The following FAR2 variants were observed in gnomAD, a reference collection of about 807,000 sequenced individuals.
The protein encoded by FAR2 is fatty acyl-CoA reductase 2.
Under a neutral mutation model 56.0 loss-of-function variants are expected in FAR2, and 19 were observed. The observed-to-expected ratio is 0.34, with a 90% confidence interval of 0.24 to 0.50. The LOEUF (loss-of-function observed/expected upper bound fraction) is 0.50, where lower values mean the gene tolerates loss of function less well. Among genes scored for constraint, FAR2 ranks in the 20% least tolerant of loss-of-function variants. The pLI, the probability that FAR2 is intolerant of heterozygous loss-of-function variation, is 0.98. For missense variants in FAR2, 508 were observed against 642.2 expected (o/e 0.79, Z 2.26); for synonymous variants, 219 against 218.8 (o/e 1.00, Z -0.01).
chr12:29,296,265 TAAG>T lies in FAR2; in HGVS notation c.366-755_366-753del, dbSNP rs553944747. On this transcript the variant is annotated intron_variant, in intron 3 of 11. Coordinates refer to ENST00000536681, the MANE Select transcript of FAR2 (RefSeq NM_001271783.2). Reference sequence around the variant, plus strand: ...CAAGGCTAGGACTTCAGAACAATGTTAAGTAGTAGTGTGATTGTAGGCATTATT... The same window carrying T: ...CAAGGCTAGGACTTCAGAACAATGTTTAGTAGTGTGATTGTAGGCATTATT... Among the ~76,000 whole-genome samples the T allele has an allele frequency of 1.8e-4, 27 of 152,354 alleles. No individual in the cohort carries two copies. In the East Asian group the frequency reaches 5.0e-3, roughly 28 times the overall value.
chr12:29,205,661 C>T (rs1423647552), intron 1 of FAR2, among the ~76,000 whole-genome samples: 1 of 152,056 alleles, frequency 6.6e-6, no homozygotes, highest in Non-Finnish European at 1.5e-5. Flanking sequence ...AATAGTACTA[C>T]CCAAACTCAA....
In FAR2 at chr12:29,217,175, A is replaced by G. The variant is rs533498544; in HGVS notation, c.-38-53237A>G. On this transcript the variant is annotated intron_variant, in intron 1 of 11. Transcript: ENST00000536681. ...AAAAACTTCAAAAAACTACAAATAAAAATGGTCTAAAGAAATGAAAATTTA... is the reference window on the plus strand; with the variant it reads ...AAAAACTTCAAAAAACTACAAATAAGAATGGTCTAAAGAAATGAAAATTTA... Among the ~76,000 whole-genome samples, 29 of 152,328 alleles carry G rather than the reference A, an allele frequency of 1.9e-4. 1 individual carries two copies. In the South Asian group the frequency reaches 5.8e-3, roughly 31 times the overall value.
At chr12:29,184,136 G>A (rs1169774492) in intron 1 of FAR2, among the ~76,000 whole-genome samples, 2 of 152,126 alleles carry the variant, frequency 1.3e-5, no homozygotes, top group East Asian at 3.9e-4. Context: ...CAGCACAAAG[G>A]CAGAAAATTT....
At chr12:29,177,289 C>CG (rs990295209) in intron 1 of FAR2, among the ~76,000 whole-genome samples, 79 of 152,112 alleles carry the variant, frequency 5.2e-4, no homozygotes, top group Non-Finnish European at 8.5e-4. Context: ...ATAGCAATGG[C>CG]GGGGGGGATC....
chr12:29,314,671 G>A (rs1030888578), intron 8 of FAR2, among the ~76,000 whole-genome samples: 2 of 152,082 alleles, frequency 1.3e-5, no homozygotes, highest in East Asian at 3.9e-4. Context: ...CTCCAGAGCA[G>A]AATACTCTGC....
chr12:29,324,037 G>A (rs567301777), intron 10 of FAR2, among the ~76,000 whole-genome samples: 2 of 152,150 alleles, frequency 1.3e-5, no homozygotes, highest in Non-Finnish European at 2.9e-5. Flanking sequence ...AATACCCAAT[G>A]CAGACAAGTC....
chr12:29,254,060 C>T (rs1193347143), intron 1 of FAR2, among the ~76,000 whole-genome samples: 1 of 152,128 alleles, frequency 6.6e-6, no homozygotes, highest in Non-Finnish European at 1.5e-5. Context: ...CTTTGACTAT[C>T]TCTCCCCAGC....
chr12:29,242,369 C>G (rs1948051283), intron 1 of FAR2, among the ~76,000 whole-genome samples: 1 of 152,242 alleles, frequency 6.6e-6, no homozygotes, highest in East Asian at 1.9e-4. Context: ...TGTTCTCAAG[C>G]TGGCATGTTA....
chr12:29,325,559 CATAGTGCAATCA>C (rs1217671223), intron 10 of FAR2, among the ~76,000 whole-genome samples: 1 of 152,128 alleles, frequency 6.6e-6, no homozygotes, highest in East Asian at 1.9e-4. Flanking sequence ...TCTCTCAGAC[CATAGTGCAATCA>C]AACTAGAACT....
At position 29,157,106 on chromosome 12, in the gene FAR2, TTATATATATATATATATATATATATA is replaced by T. The variant is rs5797307; in HGVS notation, c.-39+7713_-39+7738del. 141 of 73,452 alleles carry T rather than the reference TTATATATATATATATATATATATATA, an allele frequency of 1.9e-3. 3 individuals are homozygous for T. Among genetic ancestry groups the T allele is most frequent in the African/African-American group, 6.5e-3 (124 of 18,934 alleles). 4.6% of individuals were successfully genotyped at this position (73,452 alleles called of 1,614,324 possible). A position where few individuals can be genotyped will look rare whatever the true frequency, so the allele number is the denominator to read the frequency against. On this transcript the variant is annotated intron_variant, in intron 1 of 11. Coordinates refer to ENST00000536681, the MANE Select transcript of FAR2 (RefSeq NM_001271783.2). ...CACCAGTATTAAAGCAAAGAACATTTTATATATATATATATATATATATATATATATATATATATGTATCAATGTGA... is the reference window on the plus strand; with the variant it reads ...CACCAGTATTAAAGCAAAGAACATTTTATATATATATATGTATCAATGTGA...
intron 2 of FAR2, among the ~76,000 whole-genome samples, chr12:29,274,591 C>T (rs1307271949): frequency 6.6e-6 from 1 of 152,100 alleles, no homozygotes; most frequent in Non-Finnish European, 1.5e-5. Flanking sequence ...ATCATATCCC[C>T]TGTGACCTGC....
intron 1 of FAR2, among the ~76,000 whole-genome samples, chr12:29,190,627 G>A (rs1453962459): frequency 1.3e-5 from 2 of 151,970 alleles, no homozygotes; most frequent in Admixed American, 1.3e-4. Flanking sequence ...ACCACACCCG[G>A]CTAATTTTTT....
At chr12:29,191,199 G>A (rs1950100395) in intron 1 of FAR2, among the ~76,000 whole-genome samples, 1 of 152,196 alleles carries the variant, frequency 6.6e-6, no homozygotes, top group Non-Finnish European at 1.5e-5. Context: ...AACCAAAATA[G>A]AAAACAAAGT....
chr12:29,319,687 C>T (rs572619239), intron 9 of FAR2, among the ~76,000 whole-genome samples: 1 of 152,248 alleles, frequency 6.6e-6, no homozygotes, highest in Non-Finnish European at 1.5e-5. Context: ...TAAATCCTGG[C>T]TTCACCAATT....
intron 1 of FAR2, among the ~76,000 whole-genome samples, chr12:29,196,226 G>A (rs4414260): frequency 0.47 from 72,037 of 151,710 alleles, 18,340 homozygotes; most frequent in Admixed American, 0.61. Flanking sequence ...GTAGTGGATT[G>A]CTGGATTTCT....
chr12:29,293,605 A>C, intron 3 of FAR2, 130 bp downstream of exon 3: 4 of 757,480 alleles, frequency 5.3e-6, no homozygotes, highest in East Asian at 3.0e-5. Context: ...CTCCTCCAAA[A>C]TCCCACCATC....
chr12:29,190,579 C>G (rs1398185544), intron 1 of FAR2, among the ~76,000 whole-genome samples: 2 of 152,146 alleles, frequency 1.3e-5, no homozygotes, highest in African/African-American at 2.4e-5. Context: ...ATTCTCCTGC[C>G]TCAGCCTCCT....
chr12:29,297,995 C>T (rs943917176), intron 4 of FAR2, among the ~76,000 whole-genome samples: 2 of 145,112 alleles, frequency 1.4e-5, no homozygotes, highest in African/African-American at 2.6e-5. Flanking sequence ...GAGATTGTGC[C>T]GTTGCACTCC....
At chr12:29,218,358 C>CAA (rs11382590) in intron 1 of FAR2, among the ~76,000 whole-genome samples, 232 of 138,456 alleles carry the variant, frequency 1.7e-3, no homozygotes, top group East Asian at 3.7e-3. Flanking sequence ...GACTCCGTCT[C>CAA]AAAAAAAAAA....
Sources: allele counts gnomAD v4.1 joint callset (sites outside exome capture counted in the v4.1 genomes callset), GRCh38; gene constraint gnomAD v4.1.1; transcripts MANE v1.5; gene names NCBI Gene and HGNC (gene_info 2026-07-23, HGNC 2026-07-21).